Variants in PHF3 observed in about 807,000 individuals in gnomAD.
PHF3 encodes the protein PHD finger protein 3.
Under a neutral mutation model 178.4 loss-of-function variants are expected in PHF3, and 41 were observed. The observed-to-expected ratio is 0.23, with a 90% CI of 0.18 to 0.30. The LOEUF (loss-of-function observed/expected upper bound fraction) is 0.30. Among genes scored for constraint, PHF3 ranks in the 10% least tolerant of loss-of-function variants. The pLI, the probability that PHF3 is intolerant of heterozygous loss-of-function variation, is 1.00. For synonymous variants in PHF3, 842 were observed against 800.5 expected (o/e 1.05, Z -0.88); for missense variants, 2,346 against 2,398.1 (o/e 0.98, Z 0.45).
intron 13 of PHF3, 134 bp from the exon 14 acceptor site, chr6:63,709,017 T>C: frequency 2.0e-6 from 1 of 506,864 alleles, no homozygotes; most frequent in Non-Finnish European, 3.4e-6. Context: ...CCGATGCATT[T>C]TTCATAATCT....
chr6:63,638,762 C>A (rs556728410), intron 1 of PHF3, among the ~76,000 whole-genome samples: 2 of 152,062 alleles, frequency 1.3e-5, no homozygotes, highest in African/African-American at 2.4e-5. Flanking sequence ...TCTCAGAATT[C>A]TGGAGTATCT....
At chr6:63,658,157 A>G (rs1169945244) in intron 2 of PHF3, among the ~76,000 whole-genome samples, 2 of 152,342 alleles carry the variant, frequency 1.3e-5, no homozygotes, top group Middle Eastern at 3.4e-3. Context: ...AGCCCAGCTC[A>G]CTACTTATAC....
At chr6:63,661,807 C>A (rs1269161491) in intron 2 of PHF3, among the ~76,000 whole-genome samples, 1 of 152,132 alleles carries the variant, frequency 6.6e-6, no homozygotes, top group Non-Finnish European at 1.5e-5. Flanking sequence ...TTTTATTGAT[C>A]ACCAGAGCTG....
At chr6:63,644,114 T>C (rs1345106056) in intron 1 of PHF3, among the ~76,000 whole-genome samples, 1 of 152,170 alleles carries the variant, frequency 6.6e-6, no homozygotes, top group Non-Finnish European at 1.5e-5. Flanking sequence ...TGGTAACAAG[T>C]GCATTTACTT....
At chr6:63,701,913 C>CAGT (rs1222492355) in intron 9 of PHF3, among the ~76,000 whole-genome samples, 5 of 152,138 alleles carry the variant, frequency 3.3e-5, no homozygotes, top group African/African-American at 9.7e-5. Flanking sequence ...TTAACAAAGG[C>CAGT]AGTACCATCT....
chr6:63,636,043 C>CCGTA lies in PHF3; in HGVS notation c.-132_-131insGTAC. On this transcript the variant is annotated 5_prime_UTR_variant, in exon 1 of 16. Transcript: ENST00000262043. ...CAGCGACGCCGACGTCCTGCGCGTA[C>CCGTA]CCCCTCTCCGCGGCACCCACCGGGC... The CCGTA allele has an allele frequency of 2.5e-6, 1 of 395,150 alleles. No individual in the cohort carries two copies. Among genetic ancestry groups the CCGTA allele is most frequent in the East Asian group, 3.6e-5 (1 of 27,840 alleles). The allele number at this position is 395,150 out of a possible 1,614,324, so 24.5% of individuals were successfully genotyped here. A position where few individuals can be genotyped will look rare whatever the true frequency, so the allele number is the denominator to read the frequency against.
At chr6:63,678,784 T>A (rs1383373755) in intron 2 of PHF3, 1 of 446,916 alleles carries the variant, frequency 2.2e-6, no homozygotes, top group Non-Finnish European at 4.5e-6. Context: ...ATTGTGTCAT[T>A]TAAAGGTAAA....
chr6:63,690,625 A>AT (rs1766955151), intron 4 of PHF3, among the ~76,000 whole-genome samples: 1 of 152,148 alleles, frequency 6.6e-6, no homozygotes, highest in South Asian at 2.1e-4. Context: ...TGCCACTATT[A>AT]TCAAAATCAG....
Position 63,654,889 on chromosome 6 carries a change from C to CTTTT in PHF3, c.244+8111_244+8114dup, listed in dbSNP as rs34787470. Among the ~76,000 whole-genome samples the CTTTT allele has an allele frequency of 2.5e-4, 24 of 94,744 alleles. 1 individual carries two copies. Among genetic ancestry groups the CTTTT allele is most frequent in the African/African-American group, 4.4e-4 (10 of 22,948 alleles). The allele number at this position is 94,744 out of a possible 152,430, so 62.2% of individuals were successfully genotyped here. ...CAGATAGTTATTTGTATTAGGTGACCTTTTTTTTTTTTTTTTTTTTCGAGA... is the reference window on the plus strand; with the variant it reads ...CAGATAGTTATTTGTATTAGGTGACCTTTTTTTTTTTTTTTTTTTTTTTTCGAGA... On this transcript the variant is annotated intron_variant, in intron 2 of 15. Transcript: ENST00000262043.
At position 63,715,063 on chromosome 6, in the gene PHF3, T is replaced by A. The variant is rs562978201; in HGVS notation, c.*1355T>A. The A allele has an allele frequency of 6.6e-6, 1 of 152,192 alleles. No individual in the cohort carries two copies. Among genetic ancestry groups the A allele is most frequent in the African/African-American group, 2.4e-5 (1 of 41,552 alleles). The allele number at this position is 152,192 out of a possible 1,614,324, so 9.4% of individuals were successfully genotyped here. Reference sequence around the variant, plus strand: ...TTACCTGTATTAATGAAGAAAAATATAAATAATTCCACAAAATTGATTGTT... The same window carrying A: ...TTACCTGTATTAATGAAGAAAAATAAAAATAATTCCACAAAATTGATTGTT... On this transcript the variant is annotated 3_prime_UTR_variant, in exon 16 of 16. Coordinates refer to ENST00000262043, the MANE Select transcript of PHF3 (RefSeq NM_001370348.2).
At chr6:63,690,332 T>C (rs958348297) in intron 4 of PHF3, among the ~76,000 whole-genome samples, 5 of 152,076 alleles carry the variant, frequency 3.3e-5, no homozygotes, top group Non-Finnish European at 7.4e-5. Context: ...GAATGATAAG[T>C]TATAGATGTG....
chr6:63,645,548 C>G (rs1764748374), intron 1 of PHF3, among the ~76,000 whole-genome samples: 2 of 152,080 alleles, frequency 1.3e-5, no homozygotes, highest in South Asian at 4.1e-4. Context: ...TGGAGCTAAT[C>G]TCAAAAATCT....
chr6:63,712,376 G>C lies in PHF3; in HGVS notation c.4788G>C (p.Gln1596His). The C allele has an allele frequency of 6.2e-7, 1 of 1,613,844 alleles. No individual in the cohort carries two copies. ...GTAAAGAGAAAACATTAAAAAGACA[G>C]CTTCAGGAAGATCAAGAGAATAATT... is the stretch of plus-strand genomic sequence containing the variant. ...VESKEKTLKR[Q>H]LQEDQENNLQ... Residue 1596 changes from glutamine (Q) to histidine (H), a missense_variant, in exon 16 of 16, where the codon CAG (glutamine) becomes CAC (histidine). By Grantham distance (24) the Gln-to-His change is conservative. This residue lies in a region of PHF3 where 839 missense variants were observed against 806.9 expected (regional missense o/e 1.04). Coordinates refer to ENST00000262043, the MANE Select transcript of PHF3 (RefSeq NM_001370348.2).
At position 63,685,655 on chromosome 6, in the gene PHF3, G is replaced by C. The variant is rs780743325; in HGVS notation, c.1933G>C (p.Glu645Gln). 8.7e-6 allele frequency: 14 copies of C among 1,613,956 alleles called. No homozygotes were observed. In the South Asian group the frequency reaches 1.3e-4, roughly 15 times the overall value. Reference sequence around the variant, plus strand: ...AATGAAAACCAATAGTCACGTGAAGGAAGAGCTTGAACACCCAGGCGTTGA... The same window carrying C: ...AATGAAAACCAATAGTCACGTGAAGCAAGAGCTTGAACACCCAGGCGTTGA... ...PAMKTNSHVK[E>Q]ELEHPGVEHF... The change falls in exon 4 of 16, where the codon GAA becomes CAA. Residue 645 changes from glutamate to glutamine, a missense_variant. By Grantham distance (29) the Glu-to-Gln change is conservative. Coordinates refer to ENST00000262043, the MANE Select transcript of PHF3 (RefSeq NM_001370348.2).
intron 2 of PHF3, among the ~76,000 whole-genome samples, chr6:63,667,222 C>T (rs1284736605): frequency 6.6e-6 from 1 of 152,080 alleles, no homozygotes; most frequent in East Asian, 1.9e-4. Context: ...ACTGTATATC[C>T]TTTTAAAAGA....
chr6:63,692,957 C>G (rs941221358), intron 5 of PHF3, among the ~76,000 whole-genome samples: 1 of 152,180 alleles, frequency 6.6e-6, no homozygotes, highest in Non-Finnish European at 1.5e-5. Context: ...CAGAATCTTA[C>G]CTATTAACAA....
chr6:63,713,468 A>G lies in PHF3; in HGVS notation c.5880A>G (p.Lys1960=). Residue 1960 remains lysine, a synonymous_variant, in exon 16 of 16, where the codon AAA becomes AAG. Transcript: ENST00000262043. Reference sequence around the variant, plus strand: ...GCCAAGACAAGGACAGAGACAGAAAAAGCAGGGAGGAAGGGCACAAAGATA... The same window carrying G: ...GCCAAGACAAGGACAGAGACAGAAAGAGCAGGGAGGAAGGGCACAAAGATA... ...DRSQDKDRDR[K]SREEGHKDKE... The G allele has an allele frequency of 6.2e-7, 1 of 1,613,938 alleles. No homozygotes were observed. Among genetic ancestry groups the G allele is most frequent in the Non-Finnish European group, 8.5e-7 (1 of 1,179,956 alleles).
chr6:63,687,577 A>C (rs1766769916), intron 4 of PHF3, among the ~76,000 whole-genome samples: 1 of 152,154 alleles, frequency 6.6e-6, no homozygotes, highest in African/African-American at 2.4e-5. Flanking sequence ...GGACAGAGAG[A>C]TGGAATAGGT....
At chr6:63,653,861 TAC>T (rs1765121657) in intron 2 of PHF3, among the ~76,000 whole-genome samples, 1 of 152,198 alleles carries the variant, frequency 6.6e-6, no homozygotes, top group Non-Finnish European at 1.5e-5. Context: ...TTTTATCACT[TAC>T]GCTTTTCCTG....
Sources: allele counts gnomAD v4.1 joint callset (sites outside exome capture counted in the v4.1 genomes callset), GRCh38; gene constraint gnomAD v4.1.1; regional missense constraint gnomAD v4.1.1; transcripts MANE v1.5; gene names NCBI Gene and HGNC (gene_info 2026-07-23, HGNC 2026-07-21).